Variants in NEGR1 observed in about 807,000 individuals in gnomAD.
The protein encoded by NEGR1 is neuronal growth regulator 1, also known as IgLON family member 4.
NEGR1 carries 10 observed loss-of-function variants against 40.9 expected under a neutral mutation model. The observed-to-expected ratio is 0.24, with a 90% CI of 0.15 to 0.42. The LOEUF (loss-of-function observed/expected upper bound fraction) is 0.42, where lower values mean the gene tolerates loss of function less well. NEGR1 is among the 10% of genes least tolerant of loss of function. The pLI is 1.00. For missense variants in NEGR1, 352 were observed against 438.9 expected (o/e 0.80, Z 1.77); for synonymous variants, 185 against 166.8 (o/e 1.11, Z -0.84).
intron 1 of NEGR1, among the ~76,000 whole-genome samples, chr1:72,253,225 GA>G (rs1463898067): frequency 2.6e-5 from 4 of 152,076 alleles, no homozygotes; most frequent in African/African-American, 4.8e-5. Context: ...TGTCAACAAA[GA>G]ATCTCTAATA....
chr1:71,506,870 C>T (rs747056752), intron 6 of NEGR1, among the ~76,000 whole-genome samples: 6 of 152,118 alleles, frequency 3.9e-5, no homozygotes, highest in African/African-American at 7.2e-5. Flanking sequence ...ACACTGTTTA[C>T]GTGGGAAAGG....
chr1:71,917,932 A>T (rs982101268), intron 2 of NEGR1, among the ~76,000 whole-genome samples: 2 of 151,240 alleles, frequency 1.3e-5, no homozygotes, highest in Non-Finnish European at 3.0e-5. Flanking sequence ...AGAAGAACAC[A>T]TCATGCCTGG....
chr1:71,729,376 C>G (rs1654779092), intron 3 of NEGR1, among the ~76,000 whole-genome samples: 1 of 152,146 alleles, frequency 6.6e-6, no homozygotes, highest in South Asian at 2.1e-4. Context: ...ATAATCAAAT[C>G]AAATCTAGTC....
chr1:71,998,082 T>G (rs1475136649), intron 1 of NEGR1, among the ~76,000 whole-genome samples: 1 of 151,996 alleles, frequency 6.6e-6, no homozygotes, highest in African/African-American at 2.4e-5. Flanking sequence ...TTGTGGTTGG[T>G]AAGGCTAAGA....
intron 6 of NEGR1, among the ~76,000 whole-genome samples, chr1:71,590,102 T>A (rs1649448991): frequency 6.6e-6 from 1 of 152,104 alleles, no homozygotes; most frequent in Non-Finnish European, 1.5e-5. Flanking sequence ...CCCAGGCTCA[T>A]CCTAATCACC....
At chr1:72,206,683 A>C (rs1360898223) in intron 1 of NEGR1, among the ~76,000 whole-genome samples, 1 of 152,128 alleles carries the variant, frequency 6.6e-6, no homozygotes, top group Non-Finnish European at 1.5e-5. Context: ...GTCATGTTTC[A>C]TTTTATGACC....
intron 1 of NEGR1, among the ~76,000 whole-genome samples, chr1:72,146,789 T>C (rs1455351792): frequency 6.6e-6 from 1 of 152,222 alleles, no homozygotes; most frequent in Non-Finnish European, 1.5e-5. Flanking sequence ...GTAAAGCTGA[T>C]TTAATTTGCT....
chr1:71,445,039 A>G, intron 6 of NEGR1, among the ~76,000 whole-genome samples: 1 of 152,188 alleles, frequency 6.6e-6, no homozygotes, highest in African/African-American at 2.4e-5. Flanking sequence ...ACAAACATGC[A>G]TACACACAAT....
In NEGR1 at chr1:71,400,649, TG is replaced by T. The variant is rs1186069863; in HGVS notation, c.*6796del. 6.6e-6 allele frequency: 1 copy of T among 150,930 alleles called. No individual in the cohort carries two copies. The highest frequency in any genetic ancestry group is 2.4e-5 in the African/African-American group (1 of 40,878). 9.3% of individuals were successfully genotyped at this position (150,930 alleles called of 1,614,324 possible). On this transcript the variant is annotated 3_prime_UTR_variant, in exon 7 of 7. Coordinates refer to ENST00000357731, the MANE Select transcript of NEGR1 (RefSeq NM_173808.3). The stretch of plus-strand genomic sequence containing the variant: ...TAGATTATTAGATAGATAGGTTACT[TG>T]GGTTTTTTTTTTTTTGGGTCATTAA...
At chr1:71,666,155 T>C (rs1307768404) in intron 4 of NEGR1, among the ~76,000 whole-genome samples, 4 of 152,218 alleles carry the variant, frequency 2.6e-5, no homozygotes, top group African/African-American at 9.6e-5. Flanking sequence ...AATCTGATTT[T>C]CTAAAACTTA....
chr1:72,247,294 T>C (rs1031482287), intron 1 of NEGR1, among the ~76,000 whole-genome samples: 8 of 152,212 alleles, frequency 5.3e-5, no homozygotes, highest in Non-Finnish European at 1.2e-4. Flanking sequence ...TTTTCTTTCC[T>C]TGACACGTGG....
chr1:72,200,811 C>T (rs961495006), intron 1 of NEGR1, among the ~76,000 whole-genome samples: 6 of 151,856 alleles, frequency 4.0e-5, no homozygotes, highest in African/African-American at 1.4e-4. Context: ...AGTTATGACA[C>T]GTTTTCAACC....
intron 1 of NEGR1, among the ~76,000 whole-genome samples, chr1:72,054,240 GC>G (rs1647089115): frequency 6.6e-6 from 1 of 151,286 alleles, no homozygotes; most frequent in Non-Finnish European, 1.5e-5. Flanking sequence ...ATGCAGGGAC[GC>G]CCCTTAGGAA....
chr1:71,874,664 T>C (rs556346294), intron 2 of NEGR1, among the ~76,000 whole-genome samples: 4 of 152,152 alleles, frequency 2.6e-5, no homozygotes, highest in Admixed American at 6.6e-5. Flanking sequence ...CTGAAGTGGG[T>C]TGAAGCCAGG....
At chr1:71,730,919 T>C (rs994029441) in intron 3 of NEGR1, among the ~76,000 whole-genome samples, 6 of 147,610 alleles carry the variant, frequency 4.1e-5, no homozygotes, top group African/African-American at 1.3e-4. Context: ...TGTGTGTGTG[T>C]GTGTATGTAA....
chr1:72,103,355 G>C (rs976158027), intron 1 of NEGR1, among the ~76,000 whole-genome samples: 7 of 151,980 alleles, frequency 4.6e-5, no homozygotes, highest in Admixed American at 4.6e-4. Flanking sequence ...ATGGTATGTT[G>C]ACAGAGCATA....
intron 2 of NEGR1, among the ~76,000 whole-genome samples, chr1:71,894,202 C>T (rs1482031235): frequency 0.011 from 1,491 of 141,496 alleles, no homozygotes; most frequent in African/African-American, 0.037. Context: ...TGCACATGTA[C>T]CCTAAAACTT....
chr1:72,105,437 A>C (rs1649097992), intron 1 of NEGR1, among the ~76,000 whole-genome samples: 1 of 152,054 alleles, frequency 6.6e-6, no homozygotes, highest in Non-Finnish European at 1.5e-5. Flanking sequence ...GTGCTGGCTC[A>C]AGCCTGCAAT....
chr1:71,950,101 T>C (rs911212403), intron 1 of NEGR1, among the ~76,000 whole-genome samples: 13 of 152,096 alleles, frequency 8.5e-5, no homozygotes, highest in Admixed American at 8.5e-4. Context: ...ATTATTCTTA[T>C]GAATTCAAAG....
Sources: gnomAD v4.1 joint callset for allele counts (sites outside exome capture counted in the v4.1 genomes callset) on GRCh38, gnomAD v4.1.1 for gene constraint, MANE v1.5 for transcripts, NCBI Gene and HGNC (gene_info 2026-07-23, HGNC 2026-07-21) for gene names.